Variants in RB1 observed in about 807,000 individuals in gnomAD.
RB1 encodes retinoblastoma-associated protein.
RB1 carries 18 observed loss-of-function variants against 135.4 expected under a neutral mutation model. The ratio of observed to expected loss-of-function variants is 0.13; its 90% CI spans 0.09 to 0.20. The LOEUF (loss-of-function observed/expected upper bound fraction) is 0.20, where lower values mean the gene tolerates loss of function less well. RB1 is among the 10% of genes least tolerant of loss of function. The pLI is 1.00. For synonymous variants in RB1, 365 were observed against 373.2 expected, an observed-to-expected ratio of 0.98 and a Z score of 0.25; for missense variants, 868 against 1,110.0, an observed-to-expected ratio of 0.78 and a Z score of 3.10.
chr13:48,321,190 G>T (rs899795820), intron 2 of RB1, among the ~76,000 whole-genome samples: 3 of 152,090 alleles, frequency 2.0e-5, no homozygotes, highest in African/African-American at 7.2e-5. Flanking sequence ...GGCGGGCCCG[G>T]GTCTCTGGGG....
intron 2 of RB1, among the ~76,000 whole-genome samples, chr13:48,312,202 A>T (rs1566176573): frequency 6.6e-6 from 1 of 151,914 alleles, no homozygotes; most frequent in Non-Finnish European, 1.5e-5. Context: ...CTTCATTTTG[A>T]TTTTAACCTA....
intron 17 of RB1, among the ~76,000 whole-genome samples, chr13:48,424,331 T>C (rs1949049701): frequency 1.3e-5 from 2 of 152,226 alleles, no homozygotes; most frequent in Admixed American, 6.5e-5. Context: ...TAATACTTTA[T>C]GTTACTTTTT....
chr13:48,477,279 G>A, intron 25 of RB1, 76 bp from the exon 26 acceptor site: 1 of 1,041,674 alleles, frequency 9.6e-7, no homozygotes, highest in Non-Finnish European at 1.5e-6. Context: ...GTCATCGAAA[G>A]CATCATAGTT....
intron 17 of RB1, among the ~76,000 whole-genome samples, chr13:48,433,695 T>TA (rs1949154032): frequency 1.3e-5 from 2 of 151,640 alleles, no homozygotes; most frequent in African/African-American, 4.8e-5. Context: ...TTTTTTTTTT[T>TA]ACCTTTAGTA....
chr13:48,349,652 A>G (rs566134533), intron 6 of RB1, among the ~76,000 whole-genome samples: 2 of 152,124 alleles, frequency 1.3e-5, no homozygotes, highest in South Asian at 4.1e-4. Context: ...AAACAACCAG[A>G]AAACAAATAA....
chr13:48,463,703 A>C, intron 20 of RB1, 28 bp from the exon 21 acceptor site: 1 of 1,273,498 alleles, frequency 7.9e-7, no homozygotes, highest in Non-Finnish European at 1.1e-6. Context: ...TAAAATTCTG[A>C]CTACTTTTAC....
chr13:48,329,196 T>TTTTAA (rs1187116452), intron 2 of RB1, among the ~76,000 whole-genome samples: 6 of 152,226 alleles, frequency 3.9e-5, no homozygotes, highest in Non-Finnish European at 7.3e-5. Context: ...CCTGTTTTAA[T>TTTTAA]TTACCTCATT....
intron 2 of RB1, among the ~76,000 whole-genome samples, chr13:48,307,841 A>C (rs2138035527): frequency 6.6e-6 from 1 of 150,520 alleles, no homozygotes; most frequent in Non-Finnish European, 1.5e-5. Flanking sequence ...CCAGCCTGGC[A>C]ACAGAGCGAG....
intron 17 of RB1, among the ~76,000 whole-genome samples, chr13:48,409,298 A>G (rs1948768759): frequency 6.6e-6 from 1 of 151,786 alleles, no homozygotes. Flanking sequence ...GAAACCATGG[A>G]TCCCTAAAGA....
At chr13:48,320,369 C>T (rs1952223997) in intron 2 of RB1, 7 of 1,225,642 alleles carry the variant, frequency 5.7e-6, no homozygotes, top group African/African-American at 3.0e-5. Flanking sequence ...TCCACCCCCT[C>T]GTCAGCCTCC....
At chr13:48,356,444 ATTAT>A (rs1952592245) in intron 6 of RB1, among the ~76,000 whole-genome samples, 1 of 152,032 alleles carries the variant, frequency 6.6e-6, no homozygotes, top group South Asian at 2.1e-4. Context: ...TATTTCTAAA[ATTAT>A]TTCTCTAAGA....
chr13:48,388,902 G>A (rs924491455), intron 17 of RB1, among the ~76,000 whole-genome samples: 14 of 152,268 alleles, frequency 9.2e-5, no homozygotes, highest in Non-Finnish European at 1.8e-4. Flanking sequence ...GCTCCCGCCT[G>A]TAATCCCAGC....
intron 17 of RB1, among the ~76,000 whole-genome samples, chr13:48,436,560 T>C (rs1352623026): frequency 6.6e-6 from 1 of 152,018 alleles, no homozygotes; most frequent in Non-Finnish European, 1.5e-5. Flanking sequence ...GGAGAATCGC[T>C]TGAACCCGGG....
intron 2 of RB1, among the ~76,000 whole-genome samples, chr13:48,314,810 A>G (rs35913950): frequency 0.011 from 1,725 of 152,008 alleles, 17 homozygotes; most frequent in Non-Finnish European, 0.019. Flanking sequence ...GCTAAAATCT[A>G]TGTATTTAAC....
At chr13:48,395,929 G>A (rs957065353) in intron 17 of RB1, among the ~76,000 whole-genome samples, 9 of 152,046 alleles carry the variant, frequency 5.9e-5, no homozygotes, top group South Asian at 2.1e-4. Flanking sequence ...ACATATAATC[G>A]TCAGATTCAC....
chr13:48,309,486 G>C (rs1169464904), intron 2 of RB1, among the ~76,000 whole-genome samples: 1 of 152,170 alleles, frequency 6.6e-6, no homozygotes, highest in Non-Finnish European at 1.5e-5. Flanking sequence ...GAAGTATCTT[G>C]AATGTATGAC....
At chr13:48,402,036 T>C (rs949384186) in intron 17 of RB1, among the ~76,000 whole-genome samples, 2 of 152,178 alleles carry the variant, frequency 1.3e-5, no homozygotes. Flanking sequence ...TATTAGGTTT[T>C]ATCATTTAGT....
chr13:48,476,748 C>A lies in RB1; in HGVS notation c.2568C>A (p.Asp856Glu), dbSNP rs1566240957. Residue 856 changes from aspartate (D) to glutamate (E), a missense_variant, in exon 25 of 27, where the codon GAC (aspartate) becomes GAA (glutamate). By Grantham distance (45) the Asp-to-Glu change is conservative (BLOSUM62 2). Coordinates refer to ENST00000267163, the MANE Select transcript of RB1 (RefSeq NM_000321.3). ...TAAATCAGATGGTATGTAACAGCGA[C>A]CGTGTGCTCAAAAGAAGTGCTGAAG... The part of the protein sequence containing the change: ...QKINQMVCNS[D>E]RVLKRSAEGS... 1.4e-5 allele frequency: 23 copies of A among 1,613,378 alleles called. No homozygotes were observed. The highest frequency in any genetic ancestry group is 3.3e-5 in the South Asian group (3 of 91,070).
At chr13:48,455,857 A>G (rs182913988) in intron 18 of RB1, among the ~76,000 whole-genome samples, 1 of 152,340 alleles carries the variant, frequency 6.6e-6, no homozygotes, top group East Asian at 1.9e-4. Flanking sequence ...GAGAATCACA[A>G]AAACAAGATA....
Sources: allele counts gnomAD v4.1 joint callset (sites outside exome capture counted in the v4.1 genomes callset), GRCh38; gene constraint gnomAD v4.1.1; transcripts MANE v1.5; gene names NCBI Gene and HGNC (gene_info 2026-07-23, HGNC 2026-07-21).